Variants in PCDHGA1 observed in about 807,000 individuals in gnomAD.
PCDHGA1 encodes the protein protocadherin gamma-A1.
PCDHGA1 carries 32 observed loss-of-function variants against 58.0 expected under a neutral mutation model. That is an observed-to-expected ratio of 0.55 (90% CI 0.42 to 0.74). PCDHGA1 has a LOEUF of 0.74. Ranked by LOEUF, PCDHGA1 falls within the 30% of genes least tolerant of loss-of-function variation. PCDHGA1 has a pLI of 0.00. For missense variants in PCDHGA1, 1,205 were observed against 1,182.3 expected (o/e 1.02, Z -0.28); for synonymous variants, 498 against 501.1 (o/e 0.99, Z 0.08).
chr5:141,409,522 G>A (rs371017853), intron 1 of PCDHGA1: 30 of 1,613,874 alleles, frequency 1.9e-5, no homozygotes, highest in Non-Finnish European at 2.3e-5. Flanking sequence ...GCATCACCTT[G>A]TATGTCGCTG....
At chr5:141,414,422 G>T (rs369608304) in intron 1 of PCDHGA1, 1 of 1,613,866 alleles carries the variant, frequency 6.2e-7, no homozygotes, top group Non-Finnish European at 8.5e-7. Context: ...GCCCTTGACA[G>T]GGAACAGGTA....
At chr5:141,427,422 G>C (rs922637577) in intron 1 of PCDHGA1, 1 of 468,292 alleles carries the variant, frequency 2.1e-6, no homozygotes, top group Non-Finnish European at 4.3e-6. Context: ...AAATGGGGAG[G>C]TTACATGCCT....
intron 1 of PCDHGA1, chr5:141,399,297 T>A (rs370898446): frequency 6.2e-7 from 1 of 1,613,830 alleles, no homozygotes; most frequent in African/African-American, 1.3e-5. Context: ...CTTTTAAGAT[T>A]ATCTCTTCAT....
At chr5:141,421,088 C>A in intron 1 of PCDHGA1, 2 of 659,434 alleles carry the variant, frequency 3.0e-6, no homozygotes, top group South Asian at 4.0e-5. Flanking sequence ...CTCACAGATC[C>A]TGACACTGGA....
rs371490086 is a variant in PCDHGA1 at position 141,405,329 on chromosome 5, G to A, written c.2421+72224G>A. 241 of 1,614,168 alleles carry A rather than the reference G, an allele frequency of 1.5e-4. No individual in the cohort carries two copies. Among genetic ancestry groups the A allele is most frequent in the African/African-American group, 1.1e-3 (80 of 75,034 alleles). The stretch of plus-strand genomic sequence containing the variant: ...CTGTGAGAAAAATGAGCCTTTGTGC[G>A]TCTCTGTTGATTCCAAGTTTCCTAT... On this transcript the variant is annotated intron_variant, in intron 1 of 3. Coordinates refer to ENST00000517417, the MANE Select transcript of PCDHGA1 (RefSeq NM_018912.3).
At chr5:141,422,747 C>T (rs1381295469) in intron 1 of PCDHGA1, 2 of 1,611,224 alleles carry the variant, frequency 1.2e-6, no homozygotes, top group Non-Finnish European at 1.7e-6. Context: ...TCCTATGTCT[C>T]TATTAACTCC....
chr5:141,356,235 A>G (rs1479657610), intron 1 of PCDHGA1: 3 of 1,587,502 alleles, frequency 1.9e-6, no homozygotes, highest in African/African-American at 1.3e-5. Flanking sequence ...ACAACGCACC[A>G]GAAGTCACAG....
intron 1 of PCDHGA1, chr5:141,420,119 T>C: frequency 6.2e-7 from 1 of 1,614,044 alleles, no homozygotes; most frequent in Non-Finnish European, 8.5e-7. Context: ...TGCCTATAAT[T>C]TTTGTGTGCC....
At chr5:141,508,193 C>T (rs1426786164) in intron 3 of PCDHGA1, 1 of 152,326 alleles carries the variant, frequency 6.6e-6, no homozygotes, top group Non-Finnish European at 1.5e-5. Flanking sequence ...ATCACCCCCA[C>T]CTCGTCCAGG....
chr5:141,405,138 G>A (rs777486710), intron 1 of PCDHGA1: 4 of 1,613,962 alleles, frequency 2.5e-6, no homozygotes, highest in Non-Finnish European at 3.4e-6. Flanking sequence ...CGGGCTACCA[G>A]TGATGGGTTG....
chr5:141,380,503 A>G (rs1353992586), intron 1 of PCDHGA1, among the ~76,000 whole-genome samples: 1 of 152,196 alleles, frequency 6.6e-6, no homozygotes, highest in African/African-American at 2.4e-5. Context: ...ACAATAATAT[A>G]CACTCTTTAA....
At chr5:141,377,773 A>G (rs987234769) in intron 1 of PCDHGA1, 4 of 152,220 alleles carry the variant, frequency 2.6e-5, no homozygotes, top group Admixed American at 6.5e-5. Flanking sequence ...TTTGGTGTTA[A>G]AAGACCTGAA....
chr5:141,400,027 G>A, intron 1 of PCDHGA1: 20 of 1,612,664 alleles, frequency 1.2e-5, no homozygotes, highest in Non-Finnish European at 1.7e-5. Flanking sequence ...CAGGGACGCG[G>A]CCCGCCAGCG....
chr5:141,410,201 A>G, intron 1 of PCDHGA1: 3 of 1,613,988 alleles, frequency 1.9e-6, no homozygotes, highest in Non-Finnish European at 2.5e-6. Context: ...CTTCGCAGAC[A>G]ACTTGCAAGA....
At chr5:141,362,410 C>G (rs374650665) in intron 1 of PCDHGA1, 14 of 1,613,916 alleles carry the variant, frequency 8.7e-6, no homozygotes, top group Non-Finnish European at 1.2e-5. Flanking sequence ...TGTTGCCTCA[C>G]AATCAGCCAA....
chr5:141,404,000 A>T (rs758512396), intron 1 of PCDHGA1: 2 of 1,613,956 alleles, frequency 1.2e-6, no homozygotes, highest in South Asian at 1.1e-5. Context: ...AGTGACCATT[A>T]CATCTCTGTT....
intron 1 of PCDHGA1, chr5:141,377,844 A>G (rs911815564): frequency 2.0e-5 from 3 of 152,180 alleles, no homozygotes; most frequent in South Asian, 2.1e-4. Context: ...TTATCTTCCA[A>G]TTAAAATTAA....
At chr5:141,383,492 G>A (rs1012277194) in intron 1 of PCDHGA1, 4 of 1,613,060 alleles carry the variant, frequency 2.5e-6, no homozygotes, top group African/African-American at 2.7e-5. Context: ...GTGCTGGAGC[G>A]GGTGCTGGAC....
At chr5:141,427,944 A>C (rs780874108) in intron 1 of PCDHGA1, 63 of 1,586,294 alleles carry the variant, frequency 4.0e-5, no homozygotes, top group Non-Finnish European at 8.6e-6. Context: ...GGGCGACCTC[A>C]ATGACAATGT....
Sources: gnomAD v4.1 joint callset for allele counts (sites outside exome capture counted in the v4.1 genomes callset) on GRCh38, gnomAD v4.1.1 for gene constraint, MANE v1.5 for transcripts, NCBI Gene and HGNC (gene_info 2026-07-23, HGNC 2026-07-21) for gene names.